Variants in GRXCR1 observed in about 807,000 individuals in gnomAD.
GRXCR1 encodes glutaredoxin and cysteine rich domain containing 1.
Under a neutral mutation model 27.3 loss-of-function variants are expected in GRXCR1, and 27 were observed. The ratio of observed to expected loss-of-function variants is 0.99; its 90% CI spans 0.73 to 1.37. GRXCR1 has a LOEUF of 1.37. GRXCR1 is among the 40% of genes most tolerant of loss of function. The pLI is 0.00. For missense variants in GRXCR1, 379 were observed against 354.4 expected, an observed-to-expected ratio of 1.07 and a Z score of -0.56; for synonymous variants, 122 against 131.1, an observed-to-expected ratio of 0.93 and a Z score of 0.47.
At chr4:42,948,393 A>G (rs2109767212) in intron 1 of GRXCR1, among the ~76,000 whole-genome samples, 1 of 152,222 alleles carries the variant, frequency 6.6e-6, no homozygotes, top group East Asian at 1.9e-4. Context: ...CATCTTGGAG[A>G]AAAGTCCTAC....
In GRXCR1 at chr4:42,965,741, A is replaced by C. The variant is rs1159904790; in HGVS notation, c.627+2607A>C. 2.0e-5 allele frequency among the ~76,000 whole-genome samples: 3 copies of C among 152,028 alleles called. No individual in the cohort carries two copies. The East Asian group carries it at 5.8e-4, about 29-fold the overall frequency. On this transcript the variant is annotated intron_variant, in intron 2 of 3. Transcript: ENST00000399770. ...TTTTATAGGAAGGAGAGAGAAAAAT[A>C]GAAAAACAGACAGAAACAGCCAGAG...
chr4:42,919,212 G>A (rs1033865197), intron 1 of GRXCR1, among the ~76,000 whole-genome samples: 9 of 152,072 alleles, frequency 5.9e-5, no homozygotes, highest in Non-Finnish European at 1.2e-4. Context: ...TGTAGAGGCT[G>A]GCCTGTCAGA....
chr4:43,003,330 T>G (rs753828629), intron 2 of GRXCR1, among the ~76,000 whole-genome samples: 16 of 149,166 alleles, frequency 1.1e-4, no homozygotes, highest in Non-Finnish European at 2.2e-4. Context: ...AAAACAGAAG[T>G]GTGAGAATGG....
At chr4:43,007,264 T>C (rs1388451442) in intron 2 of GRXCR1, among the ~76,000 whole-genome samples, 2 of 152,138 alleles carry the variant, frequency 1.3e-5, no homozygotes, top group African/African-American at 2.4e-5. Flanking sequence ...GATGCTTTAA[T>C]GCAAGAAGGA....
chr4:42,931,897 C>A (rs1747319395), intron 1 of GRXCR1, among the ~76,000 whole-genome samples: 1 of 151,942 alleles, frequency 6.6e-6, no homozygotes, highest in African/African-American at 2.4e-5. Flanking sequence ...TTCCACATGG[C>A]TGCGGAGGCC....
intron 1 of GRXCR1, among the ~76,000 whole-genome samples, chr4:42,906,249 C>A (rs970725282): frequency 2.6e-5 from 4 of 152,128 alleles, no homozygotes; most frequent in Non-Finnish European, 5.9e-5. Context: ...ATCATTATCT[C>A]TAGTAGTCAT....
At chr4:43,022,826 A>C (rs958941677) in intron 3 of GRXCR1, among the ~76,000 whole-genome samples, 2 of 152,194 alleles carry the variant, frequency 1.3e-5, no homozygotes, top group Non-Finnish European at 2.9e-5. Flanking sequence ...TGATGCAGGA[A>C]ACATTTCAGT....
chr4:42,912,945 A>G (rs1746757680), intron 1 of GRXCR1, among the ~76,000 whole-genome samples: 1 of 152,070 alleles, frequency 6.6e-6, no homozygotes, highest in Non-Finnish European at 1.5e-5. Context: ...TGGTTTTATA[A>G]GGGGGTTTTA....
At chr4:42,989,919 T>C (rs1235887918) in intron 2 of GRXCR1, among the ~76,000 whole-genome samples, 2 of 152,120 alleles carry the variant, frequency 1.3e-5, no homozygotes, top group Admixed American at 1.3e-4. Context: ...TAATATATTA[T>C]CATTTTCCAT....
At chr4:43,011,314 T>G (rs1265450493) in intron 2 of GRXCR1, among the ~76,000 whole-genome samples, 2 of 152,220 alleles carry the variant, frequency 1.3e-5, no homozygotes, top group Non-Finnish European at 2.9e-5. Context: ...CAAGGGCCTT[T>G]GCCCTTTGAC....
At chr4:42,988,550 A>T (rs1362384064) in intron 2 of GRXCR1, among the ~76,000 whole-genome samples, 2 of 152,214 alleles carry the variant, frequency 1.3e-5, no homozygotes, top group Admixed American at 6.5e-5. Flanking sequence ...AGGAAATTGG[A>T]ATAAAAGTAG....
chr4:42,995,956 G>A lies in GRXCR1; in HGVS notation c.628-24398G>A, dbSNP rs1170803849. 2.6e-5 allele frequency among the ~76,000 whole-genome samples: 4 copies of A among 152,152 alleles called. No individual in the cohort carries two copies. In the East Asian group the frequency reaches 7.7e-4, roughly 29 times the overall value. On this transcript the variant is annotated intron_variant, in intron 2 of 3. Transcript: ENST00000399770. ...TGCGAAAGGCTTTATCTACTACTAT[G>A]GGTCCTACAGGAGAACACCTCAAAT... is the stretch of plus-strand genomic sequence containing the variant.
At chr4:42,920,780 A>G (rs558166438) in intron 1 of GRXCR1, among the ~76,000 whole-genome samples, 6 of 152,186 alleles carry the variant, frequency 3.9e-5, no homozygotes, top group Admixed American at 3.9e-4. Context: ...CTCATTTCCT[A>G]CACTGAGCCA....
intron 2 of GRXCR1, among the ~76,000 whole-genome samples, chr4:42,982,578 G>A (rs1166603051): frequency 8.1e-6 from 1 of 122,840 alleles, no homozygotes; most frequent in African/African-American, 3.1e-5. Context: ...CCCAGTAATG[G>A]GATGGCTGGG....
chr4:42,940,045 C>T (rs1258812630), intron 1 of GRXCR1, among the ~76,000 whole-genome samples: 6 of 151,890 alleles, frequency 4.0e-5, no homozygotes, highest in East Asian at 1.9e-4. Context: ...GTGGTGGAGA[C>T]GGCTCTGGGC....
intron 2 of GRXCR1, among the ~76,000 whole-genome samples, chr4:42,995,157 A>G (rs982504851): frequency 6.6e-6 from 1 of 152,170 alleles, no homozygotes; most frequent in African/African-American, 2.4e-5. Flanking sequence ...ATTTGTTAAG[A>G]TATTTCCCTC....
chr4:42,948,913 C>T (rs1747808283), intron 1 of GRXCR1, among the ~76,000 whole-genome samples: 1 of 152,140 alleles, frequency 6.6e-6, no homozygotes, highest in African/African-American at 2.4e-5. Flanking sequence ...CTGCTGACAC[C>T]TTGATTTCTG....
chr4:42,913,462 C>T (rs1229000624), intron 1 of GRXCR1, among the ~76,000 whole-genome samples: 1 of 152,066 alleles, frequency 6.6e-6, no homozygotes, highest in Non-Finnish European at 1.5e-5. Flanking sequence ...TGCATGTGCT[C>T]TAGAGATCTG....
At chr4:42,939,343 C>T (rs540808078) in intron 1 of GRXCR1, among the ~76,000 whole-genome samples, 4 of 151,938 alleles carry the variant, frequency 2.6e-5, no homozygotes, top group South Asian at 2.1e-4. Context: ...GAATTTTGTA[C>T]GTTGATTTTT....
Sources: gnomAD v4.1 joint callset for allele counts (sites outside exome capture counted in the v4.1 genomes callset) on GRCh38, gnomAD v4.1.1 for gene constraint, MANE v1.5 for transcripts, NCBI Gene and HGNC (gene_info 2026-07-23, HGNC 2026-07-21) for gene names.